The following ANXA11 variants were observed in gnomAD, a reference collection of about 807,000 sequenced individuals.
ANXA11 encodes annexin A11.
In ANXA11, 57 loss-of-function variants were observed where a neutral mutation model predicts 64.7. The ratio of observed to expected loss-of-function variants is 0.88; its 90% CI spans 0.71 to 1.10. The LOEUF (loss-of-function observed/expected upper bound fraction) is 1.10. ANXA11 is among the 50% of genes least tolerant of loss of function. The pLI, the probability that ANXA11 is intolerant of heterozygous loss-of-function variation, is 0.00. For synonymous variants in ANXA11, 260 were observed against 265.2 expected (o/e 0.98, Z 0.19); for missense variants, 675 against 670.7 (o/e 1.01, Z -0.07).
chr10:80,170,918 G>A lies in ANXA11; in HGVS notation c.56-3C>T. 6.3e-7 allele frequency: 1 copy of A among 1,588,918 alleles called. No homozygotes were observed. Among genetic ancestry groups the A allele is most frequent in the Non-Finnish European group, 8.6e-7 (1 of 1,167,902 alleles). The stretch of plus-strand genomic sequence containing the variant: ...AGCACCTCCCCAGGGACCACCACCT[G>A]AAAGCAACACCAAGCCCTTTAGCCC... On this transcript the variant is annotated splice_region_variant and splice_polypyrimidine_tract_variant and intron_variant, in intron 3 of 15. Transcript: ENST00000422982.
At chr10:80,195,030 C>T (rs760147881) in intron 1 of ANXA11, among the ~76,000 whole-genome samples, 3 of 152,184 alleles carry the variant, frequency 2.0e-5, no homozygotes, top group Non-Finnish European at 4.4e-5. Flanking sequence ...ACCCGTCTCT[C>T]ACCACAGGCT....
chr10:80,199,910 C>CTTA (rs146706420), intron 1 of ANXA11, among the ~76,000 whole-genome samples: 1 of 152,276 alleles, frequency 6.6e-6, no homozygotes, highest in East Asian at 1.9e-4. Context: ...CAGAGATGAG[C>CTTA]TTATGACTTG....
chr10:80,201,303 C>T (rs1475795406), intron 1 of ANXA11, among the ~76,000 whole-genome samples: 1 of 152,176 alleles, frequency 6.6e-6, no homozygotes, highest in Non-Finnish European at 1.5e-5. Context: ...CTGGGCCCCT[C>T]TCAGGTCGCT....
chr10:80,169,251 G>A lies in ANXA11; in HGVS notation c.279C>T (p.Pro93=), dbSNP rs763539929. The A allele has an allele frequency of 6.2e-6, 10 of 1,611,726 alleles. No homozygotes were observed. In the Admixed American group the frequency reaches 1.7e-4, roughly 27 times the overall value. Residue 93 remains proline (P), a synonymous_variant, in exon 5 of 16, where the codon CCC becomes CCT. Coordinates refer to ENST00000422982, the MANE Select transcript of ANXA11 (RefSeq NM_145868.2). ...GAGGAACAGGCTGCTGGGCAGAGGG[G>A]GGCTGCCCAAAGCCGCCAGGGGGCA... ...PPVPPGGFGQ[P]PSAQQPVPPY... is the part of the protein sequence containing the mutation.
At chr10:80,205,179 C>T (rs1336661943) in intron 1 of ANXA11, among the ~76,000 whole-genome samples, 164 bp downstream of exon 1, 1 of 152,048 alleles carries the variant, frequency 6.6e-6, no homozygotes, top group African/African-American at 2.4e-5. Flanking sequence ...CGCGACCCGC[C>T]GACGCCCTCC....
rs749379051 is a variant in ANXA11, at chr10:80,166,040, GCGCACACACACACACACACA to G, written c.858+24_858+43del. 2.6e-5 allele frequency: 28 copies of G among 1,077,596 alleles called. 1 individual carries two copies. The highest frequency in any genetic ancestry group is 4.3e-4 in the Middle Eastern group (2 of 4,704). The allele number at this position is 1,077,596 out of a possible 1,614,324, so 66.8% of individuals were successfully genotyped here. On this transcript the variant is annotated intron_variant, in intron 8 of 15. Transcript: ENST00000422982. Reference sequence around the variant, plus strand: ...CGCATGCGCGCGTGCGCACACACGCGCGCACACACACACACACACACACACACACACACACGTACACACCT... The same window carrying G: ...CGCATGCGCGCGTGCGCACACACGCGCACACACACACACACGTACACACCT...
intron 2 of ANXA11, among the ~76,000 whole-genome samples, chr10:80,175,493 A>T (rs923045191): frequency 1.3e-5 from 2 of 152,232 alleles, no homozygotes; most frequent in African/African-American, 4.8e-5. Context: ...TGTTCCTTAT[A>T]CCAAGTAAAT....
chr10:80,167,131 G>T, intron 6 of ANXA11, 95 bp downstream of exon 6: 1 of 1,363,502 alleles, frequency 7.3e-7, no homozygotes, highest in Non-Finnish European at 1.0e-6. Flanking sequence ...GGCCAGGTCA[G>T]CGTCCCCCAG....
intron 1 of ANXA11, among the ~76,000 whole-genome samples, chr10:80,203,373 T>C (rs1444443691): frequency 2.0e-5 from 3 of 152,064 alleles, no homozygotes; most frequent in African/African-American, 7.2e-5. Context: ...GTATCATGCA[T>C]AAAGGCGTCA....
In ANXA11 at chr10:80,166,226, C is replaced by T. The variant is rs1205144744; in HGVS notation, c.745-29G>A. The stretch of plus-strand genomic sequence containing the variant: ...ATTGGATATTCAAACAAACAACCAA[C>T]AAAAAAAAAAACAAGTCTATTTAAA... On this transcript the variant is annotated intron_variant, in intron 7 of 15. Transcript: ENST00000422982. The T allele has an allele frequency of 3.8e-6, 4 of 1,047,194 alleles. No individual in the cohort carries two copies. In the East Asian group the frequency reaches 9.1e-5, roughly 24 times the overall value. The allele number at this position is 1,047,194 out of a possible 1,614,324, so 64.9% of individuals were successfully genotyped here. A position where few individuals can be genotyped will look rare whatever the true frequency, so the allele number is the denominator to read the frequency against.
chr10:80,204,864 T>C (rs761993971), intron 1 of ANXA11: 4 of 152,250 alleles, frequency 2.6e-5, no homozygotes, highest in African/African-American at 9.7e-5. Flanking sequence ...GGAATGTGCG[T>C]GCTCCCAGTT....
intron 1 of ANXA11, among the ~76,000 whole-genome samples, chr10:80,179,717 T>C (rs1177542415): frequency 1.3e-5 from 2 of 152,156 alleles, no homozygotes; most frequent in Non-Finnish European, 2.9e-5. Context: ...TCAAGGCCCT[T>C]TGTTCTGCGT....
intron 7 of ANXA11, 34 bp downstream of exon 7, chr10:80,166,856 C>T (rs1269004252): frequency 6.6e-7 from 1 of 1,514,304 alleles, no homozygotes; most frequent in Non-Finnish European, 9.0e-7. Flanking sequence ...CCAGGACACG[C>T]CTCACTGTCC....
chr10:80,178,031 A>ATTTTTTC (rs1846230366), intron 1 of ANXA11, among the ~76,000 whole-genome samples: 1 of 152,036 alleles, frequency 6.6e-6, no homozygotes. Flanking sequence ...TGACCTCTGC[A>ATTTTTTC]TTTTTTCAAA....
intron 2 of ANXA11, among the ~76,000 whole-genome samples, chr10:80,174,397 C>T (rs1250524778): frequency 6.6e-6 from 1 of 151,910 alleles, no homozygotes; most frequent in Non-Finnish European, 1.5e-5. Context: ...CTGCCTCAGC[C>T]TCCCAAGTAG....
At chr10:80,158,836 C>T (rs112056706) in intron 13 of ANXA11, among the ~76,000 whole-genome samples, 1 of 152,200 alleles carries the variant, frequency 6.6e-6, no homozygotes, top group African/African-American at 2.4e-5. Flanking sequence ...GATGCCCTCC[C>T]ACTAATACCC....
chr10:80,198,723 T>G (rs1011696055), intron 1 of ANXA11, among the ~76,000 whole-genome samples: 9 of 151,476 alleles, frequency 5.9e-5, no homozygotes, highest in South Asian at 2.1e-4. Flanking sequence ...TCGACCCTGA[T>G]TTTTCAAGAA....
Position 80,168,410 on chromosome 10 carries a change from C to T in ANXA11, c.561+559G>A, listed in dbSNP as rs182530228. Among the ~76,000 whole-genome samples, 384 of 152,322 alleles carry T rather than the reference C, an allele frequency of 2.5e-3. 7 individuals are homozygous for T. The highest frequency in any genetic ancestry group is 4.3e-4 in the Non-Finnish European group (29 of 68,042). Reference sequence around the variant, plus strand: ...ACTCGCCAGGGGTGTTCTGACCCAACTCGGATGTGGAGCGTCTCATCACAC... The same window carrying T: ...ACTCGCCAGGGGTGTTCTGACCCAATTCGGATGTGGAGCGTCTCATCACAC... On this transcript the variant is annotated intron_variant, in intron 5 of 15. Transcript: ENST00000422982.
chr10:80,166,042 G>T, intron 8 of ANXA11, 42 bp downstream of exon 8: 1 of 450,720 alleles, frequency 2.2e-6, no homozygotes, highest in Non-Finnish European at 3.8e-6. Context: ...ACACACGCGC[G>T]CACACACACA....
Sources: allele counts gnomAD v4.1 joint callset (sites outside exome capture counted in the v4.1 genomes callset), GRCh38; gene constraint gnomAD v4.1.1; transcripts MANE v1.5; gene names NCBI Gene and HGNC (gene_info 2026-07-23, HGNC 2026-07-21).